HOOK3: variants seen among roughly 807,000 people sequenced by gnomAD.
HOOK3 encodes the protein protein Hook homolog 3.
Under a neutral mutation model 116.3 loss-of-function variants are expected in HOOK3, and 24 were observed. The observed-to-expected ratio is 0.21, with a 90% CI of 0.15 to 0.29. The LOEUF is 0.29. Among genes scored for constraint, HOOK3 ranks in the 10% least tolerant of loss-of-function variants. The pLI is 1.00. For synonymous variants in HOOK3, 275 were observed against 283.0 expected, an observed-to-expected ratio of 0.97 and a Z score of 0.28; for missense variants, 632 against 830.2, an observed-to-expected ratio of 0.76 and a Z score of 2.93.
chr8:42,933,660 T>A (rs1023512425), intron 4 of HOOK3, among the ~76,000 whole-genome samples: 7 of 152,230 alleles, frequency 4.6e-5, no homozygotes, highest in African/African-American at 1.7e-4. Context: ...TCTAGTGGCA[T>A]CTTCAGAAAA....
intron 15 of HOOK3, among the ~76,000 whole-genome samples, chr8:42,991,527 T>C (rs57652067): frequency 0.13 from 19,702 of 151,740 alleles, 1,759 homozygotes; most frequent in African/African-American, 0.25. Context: ...CTCAGCCTTC[T>C]GAGTAGCTGG....
intron 11 of HOOK3, 32 bp from the exon 12 acceptor site, chr8:42,973,257 T>G (rs1808758423): frequency 2.5e-6 from 4 of 1,574,306 alleles, no homozygotes; most frequent in Non-Finnish European, 3.4e-6. Context: ...TGTCTCAGAT[T>G]ATGTATAAGT....
At chr8:42,965,334 T>C (rs1808613863) in intron 9 of HOOK3, among the ~76,000 whole-genome samples, 1 of 151,800 alleles carries the variant, frequency 6.6e-6, no homozygotes, top group Admixed American at 6.6e-5. Context: ...TATACGTGTG[T>C]GTGTGTGTAT....
At chr8:42,927,261 G>GT (rs1807786117) in intron 3 of HOOK3, among the ~76,000 whole-genome samples, 5 of 117,476 alleles carry the variant, frequency 4.3e-5, no homozygotes, top group African/African-American at 7.1e-5. Context: ...TTTTTTTTTT[G>GT]GTTTTTTTTT....
At chr8:42,983,009 A>G (rs570593895) in intron 14 of HOOK3, among the ~76,000 whole-genome samples, 3 of 152,314 alleles carry the variant, frequency 2.0e-5, no homozygotes, top group African/African-American at 7.2e-5. Context: ...ATGCTTAGCT[A>G]TAAGCATGCA....
intron 2 of HOOK3, among the ~76,000 whole-genome samples, chr8:42,915,812 T>C (rs918967109): frequency 6.6e-6 from 1 of 152,202 alleles, no homozygotes; most frequent in Non-Finnish European, 1.5e-5. Flanking sequence ...ACCATGTTTA[T>C]CTCCTTGTAA....
At chr8:42,913,422 T>G (rs1807471813) in intron 2 of HOOK3, among the ~76,000 whole-genome samples, 1 of 152,244 alleles carries the variant, frequency 6.6e-6, no homozygotes, top group African/African-American at 2.4e-5. Flanking sequence ...TTTCATGTAG[T>G]ATAATTTTGT....
At chr8:42,944,701 C>T (rs1413786904) in intron 5 of HOOK3, among the ~76,000 whole-genome samples, 1 of 151,810 alleles carries the variant, frequency 6.6e-6, no homozygotes, top group Admixed American at 6.6e-5. Flanking sequence ...CGCCTGTAAT[C>T]CCAGCTGCTT....
At position 43,007,947 on chromosome 8, in the gene HOOK3, G is replaced by C. The variant is rs200596697; in HGVS notation, c.1738+18G>C. 1 of 1,503,480 alleles carries C rather than the reference G, an allele frequency of 6.7e-7. No individual in the cohort carries two copies. Among genetic ancestry groups the C allele is most frequent in the East Asian group, 2.3e-5 (1 of 44,046 alleles). The allele number at this position is 1,503,480 out of a possible 1,614,324, so 93.1% of individuals were successfully genotyped here. A position where few individuals can be genotyped will look rare whatever the true frequency, so the allele number is the denominator to read the frequency against. Reference sequence around the variant, plus strand: ...CAACAGCTGTGAGTTTTCCTAATTAGGATAGTTTTTAAGTGGGCTTGCTGT... The same window carrying C: ...CAACAGCTGTGAGTTTTCCTAATTACGATAGTTTTTAAGTGGGCTTGCTGT... On this transcript the variant is annotated intron_variant, in intron 18 of 21. Coordinates refer to ENST00000307602, the MANE Select transcript of HOOK3 (RefSeq NM_032410.4).
At chr8:42,939,415 C>T in intron 4 of HOOK3, among the ~76,000 whole-genome samples, 1 of 147,744 alleles carries the variant, frequency 6.8e-6, no homozygotes, top group Non-Finnish European at 1.5e-5. Context: ...CTACCTCCCT[C>T]CCGGATGGGG....
chr8:42,901,208 G>A (rs1316443392), intron 1 of HOOK3, among the ~76,000 whole-genome samples: 4 of 152,170 alleles, frequency 2.6e-5, no homozygotes, highest in Admixed American at 2.6e-4. Context: ...GCTTTTGTTG[G>A]GGAGGGGGAG....
intron 2 of HOOK3, among the ~76,000 whole-genome samples, chr8:42,920,426 C>T (rs185362955): frequency 1.3e-5 from 2 of 152,288 alleles, no homozygotes; most frequent in Admixed American, 1.3e-4. Flanking sequence ...AGTCTAAAGA[C>T]TACTATTCTT....
At chr8:42,994,244 A>G (rs983567069) in intron 15 of HOOK3, among the ~76,000 whole-genome samples, 5 of 151,972 alleles carry the variant, frequency 3.3e-5, no homozygotes, top group Admixed American at 6.6e-5. Flanking sequence ...TCAAACTCCT[A>G]ACCTCAAGTG....
chr8:42,914,860 T>C (rs1490717828), intron 2 of HOOK3, among the ~76,000 whole-genome samples: 1 of 152,208 alleles, frequency 6.6e-6, no homozygotes, highest in Non-Finnish European at 1.5e-5. Flanking sequence ...CTCATGCCTG[T>C]AATCCCAGCA....
At chr8:43,007,430 T>G (rs1395187846) in intron 17 of HOOK3, among the ~76,000 whole-genome samples, 1 of 152,254 alleles carries the variant, frequency 6.6e-6, no homozygotes, top group African/African-American at 2.4e-5. Context: ...CTTCCTTTGT[T>G]CGACATTCTG....
chr8:42,940,759 G>C (rs943087350), intron 4 of HOOK3, among the ~76,000 whole-genome samples: 1 of 151,968 alleles, frequency 6.6e-6, no homozygotes, highest in East Asian at 1.9e-4. Flanking sequence ...ATATCTTTGT[G>C]GTGTTTTCTA....
Position 43,009,344 on chromosome 8 carries a change from T to TTA in HOOK3, c.1739-961_1739-960insTA, listed in dbSNP as rs753795473. On this transcript the variant is annotated intron_variant, in intron 18 of 21. Coordinates refer to ENST00000307602, the MANE Select transcript of HOOK3 (RefSeq NM_032410.4). Reference sequence around the variant, plus strand: ...TCGCTTGAGCCCAGGAGGCAGAGGTTGGAGTGAGCCGAGATCTCGCCACTG... The same window carrying TTA: ...TCGCTTGAGCCCAGGAGGCAGAGGTTTAGGAGTGAGCCGAGATCTCGCCACTG... Among the ~76,000 whole-genome samples the TTA allele has an allele frequency of 9.9e-5, 15 of 151,658 alleles. No homozygotes were observed. The East Asian group carries it at 2.5e-3, about 26-fold the overall frequency.
chr8:42,981,287 A>G (rs766316722), intron 13 of HOOK3, among the ~76,000 whole-genome samples: 2 of 151,898 alleles, frequency 1.3e-5, no homozygotes, highest in Non-Finnish European at 2.9e-5. Flanking sequence ...TCCTGAGCTC[A>G]ATCGATCCGC....
At position 43,023,309 on chromosome 8, in the gene HOOK3, G is replaced by T. The variant is rs1809864839; in HGVS notation, c.*4811G>T. On this transcript the variant is annotated 3_prime_UTR_variant, in exon 22 of 22. Transcript: ENST00000307602. ...GTGCAAATAGATCAGTAGTGAGTGAGTGTTAAGTGAAAGATGAGCTAGGTT... is the reference window on the plus strand; with the variant it reads ...GTGCAAATAGATCAGTAGTGAGTGATTGTTAAGTGAAAGATGAGCTAGGTT... The T allele has an allele frequency of 5.5e-6, 1 of 182,414 alleles. No homozygotes were observed. The highest frequency in any genetic ancestry group is 1.2e-5 in the Non-Finnish European group (1 of 85,696). 11.3% of individuals were successfully genotyped at this position (182,414 alleles called of 1,614,324 possible). A position where few individuals can be genotyped will look rare whatever the true frequency, so the allele number is the denominator to read the frequency against.
Sources: allele counts gnomAD v4.1 joint callset (sites outside exome capture counted in the v4.1 genomes callset), GRCh38; gene constraint gnomAD v4.1.1; transcripts MANE v1.5; gene names NCBI Gene and HGNC (gene_info 2026-07-23, HGNC 2026-07-21).